Variants in ARHGAP6 observed in about 807,000 individuals in gnomAD.
ARHGAP6 encodes the protein Rho GTPase activating protein 6, also known as rho GTPase-activating protein 6.
A neutral mutation model predicts 55.7 loss-of-function variants in ARHGAP6; 16 were observed. That is an observed-to-expected ratio of 0.29 (90% CI 0.19 to 0.44). ARHGAP6 has a LOEUF of 0.44. ARHGAP6 is among the 20% of genes least tolerant of loss of function. The probability of loss-of-function intolerance (pLI) is 1.00; values close to 1 mark genes in which losing one functional copy is unlikely to be tolerated. For missense variants in ARHGAP6, 698 were observed against 808.9 expected (o/e 0.86, Z 1.66); for synonymous variants, 382 against 360.9 (o/e 1.06, Z -0.66).
chrX:11,664,808 G>T lies in ARHGAP6; in HGVS notation c.21C>A (p.Leu7=), dbSNP rs772991320. 1 of 1,197,431 alleles carries T rather than the reference G, an allele frequency of 8.4e-7. No homozygotes were observed. The highest frequency in any genetic ancestry group is 1.8e-5 in the South Asian group (1 of 54,233). The part of the protein sequence containing the change: MSAQSL[L]HSVFSCSSPA... Reference sequence around the variant, plus strand: ...GCGAGGAACAGGAGAAGACGCTGTGGAGCAGGCTCTGCGCGGACATCTCGG... The same window carrying T: ...GCGAGGAACAGGAGAAGACGCTGTGTAGCAGGCTCTGCGCGGACATCTCGG... The change falls in exon 1 of 13, where the codon CTC becomes CTA. Residue 7 remains leucine, a synonymous_variant. Transcript: ENST00000337414.
chrX:11,509,392 A>G (rs1185066442), intron 1 of ARHGAP6, among the ~76,000 whole-genome samples: 2 of 111,699 alleles, frequency 1.8e-5, no homozygotes, highest in African/African-American at 6.5e-5. Flanking sequence ...TAGAAGACAG[A>G]GATGTCTTCT....
intron 1 of ARHGAP6, among the ~76,000 whole-genome samples, chrX:11,496,089 C>A (rs953470060): frequency 8.9e-6 from 1 of 112,391 alleles, no homozygotes. Context: ...ACCTTAACTG[C>A]AGCCTCATAT....
intron 1 of ARHGAP6, among the ~76,000 whole-genome samples, chrX:11,624,592 G>A (rs994834005): frequency 5.4e-5 from 6 of 112,002 alleles, no homozygotes; most frequent in Middle Eastern, 4.6e-3. Context: ...TTTTTGAGAC[G>A]GAGTCTCGCT....
intron 1 of ARHGAP6, among the ~76,000 whole-genome samples, chrX:11,399,354 C>CAAAAA (rs56197001): frequency 2.2e-3 from 75 of 34,850 alleles, no homozygotes; most frequent in East Asian, 3.6e-3. Flanking sequence ...AATAAGCAAT[C>CAAAAA]AAAAAAAAAA....
intron 1 of ARHGAP6, among the ~76,000 whole-genome samples, chrX:11,361,982 A>G (rs1163163448): frequency 2.7e-5 from 3 of 111,807 alleles, no homozygotes; most frequent in Non-Finnish European, 5.6e-5. Flanking sequence ...TTACAATGGC[A>G]ATCATTAAAA....
intron 1 of ARHGAP6, among the ~76,000 whole-genome samples, chrX:11,419,533 C>A (rs1256730741): frequency 8.9e-6 from 1 of 112,295 alleles, no homozygotes; most frequent in Non-Finnish European, 1.9e-5. Context: ...ATTTTCAAAT[C>A]ATTCTAGCAA....
At chrX:11,209,176 C>G (rs192550218) in intron 2 of ARHGAP6, among the ~76,000 whole-genome samples, 6 of 112,463 alleles carry the variant, frequency 5.3e-5, no homozygotes, top group Non-Finnish European at 9.4e-5. Flanking sequence ...GAGTCTCACT[C>G]TGTTGCCCAG....
At chrX:11,555,845 C>A (rs923300883) in intron 1 of ARHGAP6, among the ~76,000 whole-genome samples, 1 of 111,117 alleles carries the variant, frequency 9.0e-6, no homozygotes, top group Non-Finnish European at 1.9e-5. Context: ...TGGGAACGTG[C>A]ATGTGTTTGA....
Position 11,454,705 on chromosome X carries a change from G to A in ARHGAP6, c.589-199998C>T, listed in dbSNP as rs771127557. Among the ~76,000 whole-genome samples the A allele has an allele frequency of 1.8e-4, 20 of 112,141 alleles. No homozygotes were observed. In the South Asian group the frequency reaches 4.9e-3, roughly 28 times the overall value. On this transcript the variant is annotated intron_variant, in intron 1 of 12. Coordinates refer to ENST00000337414, the MANE Select transcript of ARHGAP6 (RefSeq NM_013427.3). ...AACCAGAAGTCCTGCTTGAAAATCC[G>A]TAATTCCCACTTCCATATGAAACAA...
At chrX:11,222,042 T>A (rs949370090) in intron 2 of ARHGAP6, among the ~76,000 whole-genome samples, 7 of 111,709 alleles carry the variant, frequency 6.3e-5, no homozygotes, top group Non-Finnish European at 1.1e-4. Context: ...GAGAAAAAAT[T>A]GAATTCTCTA....
chrX:11,438,730 G>A (rs1452427634), intron 1 of ARHGAP6, among the ~76,000 whole-genome samples: 1 of 112,484 alleles, frequency 8.9e-6, no homozygotes, highest in African/African-American at 3.2e-5. Flanking sequence ...CATAAGATGG[G>A]GTTCCTGGCA....
intron 1 of ARHGAP6, among the ~76,000 whole-genome samples, chrX:11,615,784 G>C (rs749082258): frequency 1.1e-4 from 12 of 112,194 alleles, no homozygotes; most frequent in East Asian, 5.6e-4. Context: ...AGTATCTACA[G>C]TTTACAGAGC....
chrX:11,575,650 A>G (rs2051587405), intron 1 of ARHGAP6, among the ~76,000 whole-genome samples: 1 of 112,123 alleles, frequency 8.9e-6, no homozygotes, highest in African/African-American at 3.2e-5. Context: ...TATGTTGGCT[A>G]CTCTTGCCTG....
At chrX:11,614,638 T>C (rs2052141798) in intron 1 of ARHGAP6, among the ~76,000 whole-genome samples, 1 of 111,613 alleles carries the variant, frequency 9.0e-6, no homozygotes, top group South Asian at 3.8e-4. Flanking sequence ...AGCTAAACCA[T>C]ATCACCCTGA....
At chrX:11,582,840 T>C (rs1294262290) in intron 1 of ARHGAP6, among the ~76,000 whole-genome samples, 1 of 111,558 alleles carries the variant, frequency 9.0e-6, no homozygotes, top group Non-Finnish European at 1.9e-5. Flanking sequence ...TGTATACATG[T>C]GTCAAAACAT....
At chrX:11,268,826 C>T (rs1453716874) in intron 1 of ARHGAP6, among the ~76,000 whole-genome samples, 3 of 111,507 alleles carry the variant, frequency 2.7e-5, no homozygotes, top group Admixed American at 9.5e-5. Flanking sequence ...GAAGGGGATG[C>T]CAAGCCCATT....
chrX:11,411,222 T>A (rs974018819), intron 1 of ARHGAP6, among the ~76,000 whole-genome samples: 20 of 79,542 alleles, frequency 2.5e-4, no homozygotes, highest in South Asian at 6.7e-4. Context: ...TATATATATA[T>A]AAAATATACA....
At chrX:11,625,319 A>G (rs2052284196) in intron 1 of ARHGAP6, among the ~76,000 whole-genome samples, 1 of 110,619 alleles carries the variant, frequency 9.0e-6, no homozygotes, top group South Asian at 3.9e-4. Context: ...GTATATGTAT[A>G]TATGTTTACG....
At chrX:11,645,910 G>A (rs2052521722) in intron 1 of ARHGAP6, among the ~76,000 whole-genome samples, 1 of 112,104 alleles carries the variant, frequency 8.9e-6, no homozygotes, top group Non-Finnish European at 1.9e-5. Flanking sequence ...TGTTATTAAT[G>A]CTTAAGGAAG....
Sources: gnomAD v4.1 joint callset for allele counts (sites outside exome capture counted in the v4.1 genomes callset) on GRCh38, gnomAD v4.1.1 for gene constraint, MANE v1.5 for transcripts, NCBI Gene and HGNC (gene_info 2026-07-23, HGNC 2026-07-21) for gene names.